Variants in MTHFD1L observed in about 807,000 individuals in gnomAD.
MTHFD1L encodes monofunctional C1-tetrahydrofolate synthase, mitochondrial.
In MTHFD1L, 81 loss-of-function variants were observed where a neutral mutation model predicts 119.5. The ratio of observed to expected loss-of-function variants is 0.68; its 90% confidence interval spans 0.57 to 0.82. The LOEUF is 0.82. MTHFD1L is among the 40% of genes least tolerant of loss of function. The probability of loss-of-function intolerance (pLI) is 0.00; values close to 1 mark genes in which losing one functional copy is unlikely to be tolerated. For synonymous variants in MTHFD1L, 430 were observed against 475.2 expected (o/e 0.90, Z 1.24); for missense variants, 1,125 against 1,253.4 (o/e 0.90, Z 1.55).
intron 26 of MTHFD1L, among the ~76,000 whole-genome samples, chr6:151,057,715 T>C (rs1790147897): frequency 6.6e-6 from 1 of 152,222 alleles, no homozygotes; most frequent in Non-Finnish European, 1.5e-5. Context: ...ATAGTATTTC[T>C]ACCTTTTCTT....
At chr6:150,923,683 C>T (rs959701518) in intron 10 of MTHFD1L, among the ~76,000 whole-genome samples, 9 of 150,464 alleles carry the variant, frequency 6.0e-5, no homozygotes, top group African/African-American at 2.2e-4. Flanking sequence ...TCATTTTTTA[C>T]CTGATAACCA....
chr6:150,934,732 A>G (rs915986549), intron 11 of MTHFD1L, among the ~76,000 whole-genome samples: 9 of 152,220 alleles, frequency 5.9e-5, no homozygotes, highest in Non-Finnish European at 1.2e-4. Flanking sequence ...ACAGTAACTC[A>G]TGGAAGACCA....
chr6:151,036,734 T>C (rs1276377538), intron 25 of MTHFD1L, among the ~76,000 whole-genome samples: 1 of 152,124 alleles, frequency 6.6e-6, no homozygotes, highest in Non-Finnish European at 1.5e-5. Context: ...AAAGAGAGCC[T>C]CCAAAATAAA....
At chr6:150,933,089 A>G (rs1791440059) in intron 11 of MTHFD1L, among the ~76,000 whole-genome samples, 1 of 152,096 alleles carries the variant, frequency 6.6e-6, no homozygotes, top group Admixed American at 6.5e-5. Flanking sequence ...AATACTTCCT[A>G]CTTTGTGATT....
At chr6:150,877,045 G>A (rs1315363972) in intron 2 of MTHFD1L, among the ~76,000 whole-genome samples, 1 of 152,064 alleles carries the variant, frequency 6.6e-6, no homozygotes, top group Non-Finnish European at 1.5e-5. Context: ...CCTACCTTTG[G>A]TATCCCCATT....
At chr6:150,903,953 T>C (rs1269180149) in intron 7 of MTHFD1L, among the ~76,000 whole-genome samples, 1 of 152,224 alleles carries the variant, frequency 6.6e-6, no homozygotes, top group Non-Finnish European at 1.5e-5. Context: ...TGAAAAGACA[T>C]GCATTTACAT....
chr6:150,950,164 T>A (rs1192187661), intron 16 of MTHFD1L, among the ~76,000 whole-genome samples: 1 of 152,180 alleles, frequency 6.6e-6, no homozygotes, highest in Non-Finnish European at 1.5e-5. Context: ...CTCCAGTGGC[T>A]CCCCACATCC....
At chr6:150,916,440 A>G (rs1244929801) in intron 8 of MTHFD1L, among the ~76,000 whole-genome samples, 20 of 139,564 alleles carry the variant, frequency 1.4e-4, no homozygotes, top group South Asian at 4.6e-4. Flanking sequence ...AGCTGGGATC[A>G]CAGGTGTGCA....
At chr6:150,928,051 A>G (rs559395456) in intron 11 of MTHFD1L, among the ~76,000 whole-genome samples, 4 of 152,224 alleles carry the variant, frequency 2.6e-5, no homozygotes, top group Non-Finnish European at 5.9e-5. Flanking sequence ...AACCTTGGGC[A>G]TGTGGATTTG....
chr6:150,947,719 A>G (rs1028012439), intron 15 of MTHFD1L, among the ~76,000 whole-genome samples: 1 of 152,068 alleles, frequency 6.6e-6, no homozygotes, highest in Non-Finnish European at 1.5e-5. Flanking sequence ...TGCGGCATCA[A>G]TTATATGGAC....
At position 151,025,146 on chromosome 6, in the gene MTHFD1L, G is replaced by A. The variant is rs143588792; in HGVS notation, c.2587-9347G>A. On this transcript the variant is annotated intron_variant, in intron 24 of 27. Transcript: ENST00000367321. ...TTCCCAGAGTCCGGTTACCCTCACC[G>A]CACCCCAGGTTTGCCGTAGAAGGAT... Among the ~76,000 whole-genome samples, 611 of 152,298 alleles carry A rather than the reference G, an allele frequency of 4.0e-3. 2 individuals carry two copies. The highest frequency in any genetic ancestry group is 0.014 in the African/African-American group (590 of 41,570).
At chr6:150,887,037 C>G (rs1197360447) in intron 6 of MTHFD1L, among the ~76,000 whole-genome samples, 1 of 150,652 alleles carries the variant, frequency 6.6e-6, no homozygotes, top group Non-Finnish European at 1.5e-5. Flanking sequence ...CGAACTAAAT[C>G]TTTTTCTCTA....
intron 26 of MTHFD1L, among the ~76,000 whole-genome samples, chr6:151,082,925 C>G (rs1486034421): frequency 6.6e-6 from 1 of 152,190 alleles, no homozygotes; most frequent in African/African-American, 2.4e-5. Context: ...TGCCCCACAC[C>G]TGAAAGTCTT....
At chr6:150,952,333 T>C (rs803466) in intron 16 of MTHFD1L, among the ~76,000 whole-genome samples, 52,664 of 151,998 alleles carry the variant, frequency 0.35, 9,420 homozygotes, top group South Asian at 0.51. Context: ...TGAGAACATT[T>C]GCTAGTAGGG....
At chr6:150,914,987 T>C (rs549516783) in intron 8 of MTHFD1L, among the ~76,000 whole-genome samples, 29 of 152,334 alleles carry the variant, frequency 1.9e-4, no homozygotes, top group Middle Eastern at 6.8e-3. Context: ...TTTTAACATA[T>C]CTTTTATTCA....
At chr6:150,962,935 A>G (rs1226956697) in intron 18 of MTHFD1L, among the ~76,000 whole-genome samples, 66 of 69,932 alleles carry the variant, frequency 9.4e-4, no homozygotes, top group Admixed American at 2.1e-3. Flanking sequence ...TTTTTTTTTG[A>G]GATGGAGTCT....
chr6:151,088,450 G>C (rs57977346), intron 26 of MTHFD1L: 60 of 152,112 alleles, frequency 3.9e-4, no homozygotes, highest in African/African-American at 1.4e-3. Context: ...ATTTCGGCTA[G>C]TTTTTGTTTG....
At chr6:151,055,196 A>G (rs117701367) in intron 26 of MTHFD1L, among the ~76,000 whole-genome samples, 4,867 of 151,998 alleles carry the variant, frequency 0.032, 154 homozygotes, top group Admixed American at 0.099. Flanking sequence ...AACCCAGGAG[A>G]TGGAGTTTGC....
intron 26 of MTHFD1L, among the ~76,000 whole-genome samples, chr6:151,064,736 T>G (rs1791034889): frequency 6.6e-6 from 1 of 152,204 alleles, no homozygotes. Flanking sequence ...GCTCATAACT[T>G]TTCAAGGTAG....
Sources: gnomAD v4.1 joint callset for allele counts (sites outside exome capture counted in the v4.1 genomes callset) on GRCh38, gnomAD v4.1.1 for gene constraint, MANE v1.5 for transcripts, NCBI Gene and HGNC (gene_info 2026-07-23, HGNC 2026-07-21) for gene names.